Variants in PPFIA2 observed in about 807,000 individuals in gnomAD.
PPFIA2 encodes the protein PPFI scaffold protein A2.
PPFIA2 carries 46 observed loss-of-function variants against 175.5 expected under a neutral mutation model. The observed-to-expected ratio is 0.26, with a 90% CI of 0.21 to 0.34. The LOEUF is 0.34. Among genes scored for constraint, PPFIA2 ranks in the 10% least tolerant of loss-of-function variants. PPFIA2 has a pLI of 1.00. For missense variants in PPFIA2, 1,179 were observed against 1,506.1 expected, an observed-to-expected ratio of 0.78 and a Z score of 3.60; for synonymous variants, 568 against 511.4, an observed-to-expected ratio of 1.11 and a Z score of -1.49.
At chr12:81,631,479 A>G (rs770864444) in intron 4 of PPFIA2, among the ~76,000 whole-genome samples, 3 of 152,188 alleles carry the variant, frequency 2.0e-5, no homozygotes, top group Non-Finnish European at 4.4e-5. Context: ...ATCCGATGAT[A>G]TACTAAAAGG....
intron 4 of PPFIA2, among the ~76,000 whole-genome samples, chr12:81,520,495 G>A (rs891251544): frequency 1.3e-5 from 2 of 152,184 alleles, no homozygotes; most frequent in African/African-American, 4.8e-5. Context: ...TACTGTACTT[G>A]TAACTCACAA....
At chr12:81,487,610 G>A (rs1281286838) in intron 4 of PPFIA2, among the ~76,000 whole-genome samples, 1 of 151,716 alleles carries the variant, frequency 6.6e-6, no homozygotes, top group Non-Finnish European at 1.5e-5. Context: ...TATAGGTACC[G>A]ATATTGCCAC....
intron 4 of PPFIA2, among the ~76,000 whole-genome samples, chr12:81,509,097 G>T (rs1463550942): frequency 1.1e-4 from 17 of 151,970 alleles, no homozygotes; most frequent in African/African-American, 4.1e-4. Flanking sequence ...GTAAACTATC[G>T]CAAGAGTTTA....
At chr12:81,609,616 A>G (rs1169373941) in intron 4 of PPFIA2, among the ~76,000 whole-genome samples, 1 of 151,834 alleles carries the variant, frequency 6.6e-6, no homozygotes, top group African/African-American at 2.4e-5. Flanking sequence ...TTTGTTTTCC[A>G]TTTGCATGGT....
Position 81,687,737 on chromosome 12 carries a change from A to T in PPFIA2, c.250-10893T>A, listed in dbSNP as rs73348313. On this transcript the variant is annotated intron_variant, in intron 3 of 32. Coordinates refer to ENST00000549396, the MANE Select transcript of PPFIA2 (RefSeq NM_003625.5). ...AAATCAATCTATGTCCTAGTACACA[A>T]ATTAGAAAGGTTTGGAATATTTATT... is the stretch of plus-strand genomic sequence containing the variant. Among the ~76,000 whole-genome samples, 597 of 152,112 alleles carry T rather than the reference A, an allele frequency of 3.9e-3. 4 individuals carry two copies. Among genetic ancestry groups the T allele is most frequent in the African/African-American group, 0.014 (571 of 41,550 alleles).
chr12:81,669,385 C>G (rs1368230395), intron 4 of PPFIA2, among the ~76,000 whole-genome samples: 1 of 151,956 alleles, frequency 6.6e-6, no homozygotes, highest in Non-Finnish European at 1.5e-5. Context: ...TGCTCATTAA[C>G]ATCTGTTCTA....
Position 81,284,227 on chromosome 12 carries a change from C to G in PPFIA2, c.2988+14G>C. 6.4e-7 allele frequency: 1 copy of G among 1,552,178 alleles called. No individual in the cohort carries two copies. Among genetic ancestry groups the G allele is most frequent in the South Asian group, 1.1e-5 (1 of 87,426 alleles). ...TCACTTTCCTTCAGGTTCAACAAAG[C>G]CATTAAGACTAACCGTTTTTGCTGG... is the stretch of plus-strand genomic sequence containing the variant. On this transcript the variant is annotated intron_variant, in intron 25 of 32. Coordinates refer to ENST00000549396, the MANE Select transcript of PPFIA2 (RefSeq NM_003625.5).
At chr12:81,647,742 C>A (rs2066356413) in intron 4 of PPFIA2, among the ~76,000 whole-genome samples, 1 of 141,650 alleles carries the variant, frequency 7.1e-6, no homozygotes, top group Admixed American at 7.4e-5. Context: ...GCCTGGTCAA[C>A]AGAGCAAGAC....
chr12:81,506,619 T>G (rs1419219824), intron 4 of PPFIA2, among the ~76,000 whole-genome samples: 3 of 152,230 alleles, frequency 2.0e-5, no homozygotes, highest in Non-Finnish European at 4.4e-5. Context: ...TTCTTGAAAC[T>G]AACTTTTGTC....
At chr12:81,463,289 T>C (rs557642592) in intron 4 of PPFIA2, among the ~76,000 whole-genome samples, 9 of 152,108 alleles carry the variant, frequency 5.9e-5, no homozygotes, top group Admixed American at 5.9e-4. Flanking sequence ...GAGAAATCAA[T>C]GTTAGAAGGA....
At chr12:81,662,503 A>C (rs1010505125) in intron 4 of PPFIA2, among the ~76,000 whole-genome samples, 14 of 152,210 alleles carry the variant, frequency 9.2e-5, no homozygotes, top group African/African-American at 3.4e-4. Flanking sequence ...TAAACCAGGA[A>C]GAAGTTGAAT....
chr12:81,643,576 G>A (rs139520472), intron 4 of PPFIA2, among the ~76,000 whole-genome samples: 3,880 of 151,988 alleles, frequency 0.026, 91 homozygotes, highest in Non-Finnish European at 0.039. Context: ...GATTATTTGA[G>A]TTATGGATCT....
intron 4 of PPFIA2, among the ~76,000 whole-genome samples, chr12:81,580,383 A>G (rs2074225355): frequency 1.3e-5 from 2 of 151,752 alleles, no homozygotes; most frequent in Admixed American, 6.6e-5. Context: ...TGCTATAAGG[A>G]TTCCATACTA....
intron 13 of PPFIA2, 33 bp from the exon 14 acceptor site, chr12:81,367,203 A>G: frequency 7.9e-7 from 1 of 1,258,378 alleles, no homozygotes; most frequent in South Asian, 1.9e-5. Flanking sequence ...AATAATTAAT[A>G]AATTAAACAT....
Position 81,282,992 on chromosome 12 carries a change from A to G in PPFIA2, c.3018+18T>C, listed in dbSNP as rs752150098. On this transcript the variant is annotated intron_variant, in intron 26 of 32. Coordinates refer to ENST00000549396, the MANE Select transcript of PPFIA2 (RefSeq NM_003625.5). ...TACTAAATGATATTAAGGGTCTTAA[A>G]GCATATGAATCTCCTACCTGGGCCC... is the stretch of plus-strand genomic sequence containing the variant. 7.5e-6 allele frequency: 12 copies of G among 1,605,626 alleles called. No homozygotes were observed. The highest frequency in any genetic ancestry group is 1.0e-5 in the Non-Finnish European group (12 of 1,172,944).
intron 24 of PPFIA2, among the ~76,000 whole-genome samples, chr12:81,285,614 GTCACCTAGTGATA>G (rs1397828496): frequency 2.6e-5 from 4 of 152,132 alleles, no homozygotes; most frequent in Non-Finnish European, 4.4e-5. Context: ...AAAAGTTCCT[GTCACCTAGTGATA>G]TCAGAGCCAT....
At chr12:81,295,624 G>A (rs1035875214) in intron 23 of PPFIA2, among the ~76,000 whole-genome samples, 9 of 152,154 alleles carry the variant, frequency 5.9e-5, no homozygotes, top group South Asian at 2.1e-4. Flanking sequence ...GAAATGATGT[G>A]CTAAGAAAGA....
chr12:81,572,022 C>A (rs545728985), intron 4 of PPFIA2, among the ~76,000 whole-genome samples: 1 of 151,996 alleles, frequency 6.6e-6, no homozygotes, highest in Non-Finnish European at 1.5e-5. Flanking sequence ...GAAGAGAGAA[C>A]CTGTTTTAGG....
chr12:81,550,220 G>A (rs182359404), intron 4 of PPFIA2, among the ~76,000 whole-genome samples: 1 of 152,060 alleles, frequency 6.6e-6, no homozygotes, highest in East Asian at 1.9e-4. Flanking sequence ...TTATAATAGA[G>A]TTGTATGGGT....
Sources: gnomAD v4.1 joint callset for allele counts (sites outside exome capture counted in the v4.1 genomes callset) on GRCh38, gnomAD v4.1.1 for gene constraint, MANE v1.5 for transcripts, NCBI Gene and HGNC (gene_info 2026-07-23, HGNC 2026-07-21) for gene names.